Variants in ITGB2 observed in about 807,000 individuals in gnomAD.
The protein encoded by ITGB2 is integrin beta-2.
ITGB2 carries 56 observed loss-of-function variants against 86.8 expected under a neutral mutation model. That is an observed-to-expected ratio of 0.65 (90% CI 0.52 to 0.81). ITGB2 has a LOEUF of 0.81. Among genes scored for constraint, ITGB2 ranks in the 30% least tolerant of loss-of-function variants. The pLI, the probability that ITGB2 is intolerant of heterozygous loss-of-function variation, is 0.00. For missense variants in ITGB2, 948 were observed against 1,061.2 expected (o/e 0.89, Z 1.48); for synonymous variants, 457 against 450.4 (o/e 1.01, Z -0.19).
chr21:44,892,141 T>C (rs2083795025), intron 10 of ITGB2, 145 bp from the exon 11 acceptor site: 1 of 825,190 alleles, frequency 1.2e-6, no homozygotes, highest in East Asian at 2.7e-5. Context: ...GAAGAGCTGA[T>C]GCTCAGATCC....
chr21:44,909,207 G>A (rs77568465), intron 3 of ITGB2: 2,111 of 152,408 alleles, frequency 0.014, 21 homozygotes, highest in South Asian at 0.044. Context: ...TGGGGAGGCC[G>A]GGGGGATGCC....
Position 44,912,133 on chromosome 21 carries a change from G to A in ITGB2, c.-3-1348C>T, listed in dbSNP as rs148777992. 1.7e-4 allele frequency among the ~76,000 whole-genome samples: 26 copies of A among 152,288 alleles called. No individual in the cohort carries two copies. The East Asian group carries it at 5.0e-3, about 29-fold the overall frequency. On this transcript the variant is annotated intron_variant, in intron 1 of 15. Transcript: ENST00000652462. ...TCCAGCAAATGCCAGTTCCTGTCAC[G>A]GCCTCCCAGGCTGCTGGGGCGTTCC...
At chr21:44,901,354 G>A (rs1197666909) in intron 6 of ITGB2, 138 bp downstream of exon 6, 12 of 1,084,860 alleles carry the variant, frequency 1.1e-5, no homozygotes, top group Admixed American at 2.4e-5. Flanking sequence ...GCAGGGTGAG[G>A]AGCTGCTCTC....
intron 14 of ITGB2, among the ~76,000 whole-genome samples, chr21:44,887,108 A>G (rs531278193): frequency 1.3e-5 from 2 of 152,234 alleles, no homozygotes; most frequent in Admixed American, 1.3e-4. Flanking sequence ...TGTGGTTCCA[A>G]ATGAAACCTA....
chr21:44,904,698 T>G (rs935061623), intron 4 of ITGB2, among the ~76,000 whole-genome samples: 1 of 150,644 alleles, frequency 6.6e-6, no homozygotes, highest in East Asian at 2.0e-4. Context: ...ACCACACACA[T>G]GCACTCACAT....
intron 1 of ITGB2, chr21:44,928,191 A>G (rs990702295): frequency 6.6e-6 from 1 of 152,192 alleles, no homozygotes; most frequent in African/African-American, 2.4e-5. Context: ...GGGCTGCCAG[A>G]CAGGCTCACC....
Position 44,890,126 on chromosome 21 carries a change from G to A in ITGB2, c.1509C>T (p.Ser503=), listed in dbSNP as rs1389724675. ...LEGSCRKDNN[S]IICSGLGDCV... Reference sequence around the variant, plus strand: ...AGTCCCCCAGCCCTGAGCAGATGATGGAGTTGTTGTCCTTCCGGCAGCTTC... The same window carrying A: ...AGTCCCCCAGCCCTGAGCAGATGATAGAGTTGTTGTCCTTCCGGCAGCTTC... Residue 503 remains serine (S), a synonymous_variant, in exon 12 of 16, where the codon TCC becomes TCT. Coordinates refer to ENST00000652462, the MANE Select transcript of ITGB2 (RefSeq NM_000211.5). The A allele has an allele frequency of 4.3e-6, 7 of 1,613,474 alleles. No homozygotes were observed. Among genetic ancestry groups the A allele is most frequent in the Admixed American group, 3.3e-5 (2 of 60,024 alleles).
chr21:44,906,987 C>T lies in ITGB2; in HGVS notation c.256G>A (p.Glu86Lys). 6.2e-7 allele frequency: 1 copy of T among 1,614,206 alleles called. No homozygotes were observed. Among genetic ancestry groups the T allele is most frequent in the Non-Finnish European group, 8.5e-7 (1 of 1,180,032 alleles). ...CCCCCATTGTGGTCTTCCTGGGTTTCAGCGAGGCTTGTGGGGTCCATGATG... is the reference window on the plus strand; with the variant it reads ...CCCCCATTGTGGTCTTCCTGGGTTTTAGCGAGGCTTGTGGGGTCCATGATG... Reference protein sequence around the residue: ...DDIMDPTSLAETQEDHNGGQK... With the variant: ...DDIMDPTSLAKTQEDHNGGQK... The change falls in exon 4 of 16, where the codon GAA (glutamate) becomes AAA (lysine). Residue 86 changes from glutamate (E) to lysine (K), a missense_variant. Physicochemically the swap from Glu to Lys is moderately conservative, Grantham distance 56. Coordinates refer to ENST00000652462, the MANE Select transcript of ITGB2 (RefSeq NM_000211.5).
intron 1 of ITGB2, chr21:44,911,430 T>G (rs1274506320): frequency 2.0e-5 from 3 of 153,178 alleles, no homozygotes; most frequent in African/African-American, 7.2e-5. Context: ...GCAGAGCCTG[T>G]GCTTGGAGGA....
rs1218975234 is a variant in ITGB2, at chr21:44,889,955, C to CCAGCAGGGACCCACGGGCT, written c.1657+4_1657+22dup. The CCAGCAGGGACCCACGGGCT allele has an allele frequency of 6.2e-6, 10 of 1,612,426 alleles. No homozygotes were observed. In the Admixed American group the frequency reaches 1.7e-4, roughly 27 times the overall value. ...GTCTGTGCCGCAGGACGGCCGTTGTCCAGCAGGGACCCACGGGCTCACCCG... is the reference window on the plus strand; with the variant it reads ...GTCTGTGCCGCAGGACGGCCGTTGTCCAGCAGGGACCCACGGGCTCAGCAGGGACCCACGGGCTCACCCG... On this transcript the variant is annotated intron_variant, in intron 12 of 15. Transcript: ENST00000652462.
intron 1 of ITGB2, among the ~76,000 whole-genome samples, chr21:44,914,493 A>C (rs2084174800): frequency 1.3e-5 from 2 of 152,122 alleles, no homozygotes; most frequent in Admixed American, 1.3e-4. Flanking sequence ...CAAGAACCAC[A>C]CTTCACGGTG....
chr21:44,918,949 C>A (rs1166874520), intron 1 of ITGB2, among the ~76,000 whole-genome samples: 1 of 150,796 alleles, frequency 6.6e-6, no homozygotes, highest in Non-Finnish European at 1.5e-5. Context: ...GTCCCCTCTC[C>A]CAGCACTCGG....
chr21:44,899,616 C>T (rs547581048), intron 7 of ITGB2, among the ~76,000 whole-genome samples: 6 of 152,326 alleles, frequency 3.9e-5, no homozygotes, highest in Admixed American at 1.3e-4. Context: ...CCTTTGCGGC[C>T]CCCAGAGCCT....
intron 1 of ITGB2, among the ~76,000 whole-genome samples, chr21:44,918,399 TG>T (rs1228893912): frequency 6.6e-6 from 1 of 152,240 alleles, no homozygotes; most frequent in Non-Finnish European, 1.5e-5. Flanking sequence ...GGGCCCGGCC[TG>T]GGCCAGAGTG....
chr21:44,889,506 G>C lies in ITGB2; in HGVS notation c.1658-11C>G. On this transcript the variant is annotated splice_polypyrimidine_tract_variant and intron_variant, in intron 12 of 15. Coordinates refer to ENST00000652462, the MANE Select transcript of ITGB2 (RefSeq NM_000211.5). ...AGCAGAGCCCCCTCCCTGGAAGACGGGGCAGCACGGCTAAGCTCCTGCTTG... is the reference window on the plus strand; with the variant it reads ...AGCAGAGCCCCCTCCCTGGAAGACGCGGCAGCACGGCTAAGCTCCTGCTTG... The C allele has an allele frequency of 2.6e-6, 4 of 1,553,136 alleles. No individual in the cohort carries two copies. Among genetic ancestry groups the C allele is most frequent in the Non-Finnish European group, 3.5e-6 (4 of 1,149,048 alleles).
intron 1 of ITGB2, chr21:44,911,384 T>C (rs1382145461): frequency 6.3e-6 from 1 of 158,102 alleles, no homozygotes; most frequent in Non-Finnish European, 1.4e-5. Flanking sequence ...ACCCGGTGTG[T>C]GCACTCTGCC....
chr21:44,901,121 G>C (rs183408386), intron 6 of ITGB2, among the ~76,000 whole-genome samples: 1 of 152,168 alleles, frequency 6.6e-6, no homozygotes, highest in Non-Finnish European at 1.5e-5. Flanking sequence ...GGCAGCCAGC[G>C]CCCACCCGGC....
intron 9 of ITGB2, chr21:44,894,709 G>A (rs891621459): frequency 2.9e-5 from 15 of 525,414 alleles, no homozygotes; most frequent in Non-Finnish European, 5.2e-5. Context: ...GCAGAGAAGA[G>A]TCTGGAATGA....
chr21:44,893,753 G>T, intron 9 of ITGB2: 1 of 606,494 alleles, frequency 1.6e-6, no homozygotes, highest in Non-Finnish European at 3.0e-6. Context: ...CTGACCACAG[G>T]GACTAGCATG....
Sources: gnomAD v4.1 joint callset for allele counts (sites outside exome capture counted in the v4.1 genomes callset) on GRCh38, gnomAD v4.1.1 for gene constraint, MANE v1.5 for transcripts, NCBI Gene and HGNC (gene_info 2026-07-23, HGNC 2026-07-21) for gene names.